The following MYOM2 variants were observed in gnomAD, a reference collection of about 807,000 sequenced individuals.
MYOM2 encodes the protein myomesin-2.
In MYOM2, 254 loss-of-function variants were observed where a neutral mutation model predicts 187.6. The observed-to-expected ratio is 1.35, with a 90% CI of 1.22 to 1.50. The LOEUF is 1.50. MYOM2 is among the 40% of genes most tolerant of loss of function. MYOM2 has a pLI of 0.00. For missense variants in MYOM2, 2,796 were observed against 1,924.0 expected (o/e 1.45, Z -8.48); for synonymous variants, 981 against 753.8 (o/e 1.30, Z -4.94).
At chr8:2,123,128 C>A in intron 28 of MYOM2, 124 bp from the exon 29 acceptor site, 1 of 574,424 alleles carries the variant, frequency 1.7e-6, no homozygotes, top group Non-Finnish European at 3.0e-6. Context: ...TCGTCTGAGA[C>A]TGTCTATAGT....
chr8:2,100,827 T>C, intron 19 of MYOM2, 49 bp from the exon 20 acceptor site: 1 of 1,600,968 alleles, frequency 6.2e-7, no homozygotes. Flanking sequence ...GCGGTGGGTG[T>C]GCTGGACTGG....
intron 3 of MYOM2, among the ~76,000 whole-genome samples, chr8:2,054,313 A>G (rs13261654): frequency 0.9 from 137,662 of 152,138 alleles, 62,541 homozygotes; most frequent in East Asian, 1. Context: ...TACGACCCCG[A>G]TGCTCTGAAG....
intron 28 of MYOM2, among the ~76,000 whole-genome samples, chr8:2,120,073 G>A (rs1356275256): frequency 6.6e-6 from 1 of 152,142 alleles, no homozygotes; most frequent in Non-Finnish European, 1.5e-5. Flanking sequence ...TATTAAGAAT[G>A]GAAATCATTG....
Position 2,081,584 on chromosome 8 carries a change from T to C in MYOM2, c.1516+1971T>C, listed in dbSNP as rs528138586. On this transcript the variant is annotated intron_variant, in intron 13 of 36. Coordinates refer to ENST00000262113, the MANE Select transcript of MYOM2 (RefSeq NM_003970.4). Reference sequence around the variant, plus strand: ...CGGTGAGAAGGTGTAACTTGCTTTATAAATGTCACTTATCTGTGATGAAAT... The same window carrying C: ...CGGTGAGAAGGTGTAACTTGCTTTACAAATGTCACTTATCTGTGATGAAAT... 3.7e-4 allele frequency among the ~76,000 whole-genome samples: 57 copies of C among 152,346 alleles called. 1 individual carries two copies. The highest frequency in any genetic ancestry group is 1.3e-3 in the African/African-American group (54 of 41,578).
Position 2,078,830 on chromosome 8 carries a change from C to A in MYOM2, c.1359C>A (p.Tyr453Ter). 6.2e-7 allele frequency: 1 copy of A among 1,614,104 alleles called. No individual in the cohort carries two copies. The highest frequency in any genetic ancestry group is 1.7e-4 in the Middle Eastern group (1 of 6,060). The change falls in exon 12 of 37, where the codon TAC becomes TAA. Residue 453 changes from tyrosine (Y) to a stop codon, truncating the protein, a stop_gained. Transcript: ENST00000262113. LOFTEE classifies it high-confidence loss of function. ...PVTGLFEGRS[Y>*]IFRVRAVNSA... ...CAGGGCTTTTTGAAGGAAGGTCTTACATATTCCGAGTGAGGGCAGTGAACA... is the reference window on the plus strand; with the variant it reads ...CAGGGCTTTTTGAAGGAAGGTCTTAAATATTCCGAGTGAGGGCAGTGAACA...
Position 2,145,177 on chromosome 8 carries a change from A to C in MYOM2, c.*196A>C. ...CTAAGGGAGAAAGCTAATGTTTTCC[A>C]CAAGACTGAACAACGTGTATTTACA... On this transcript the variant is annotated 3_prime_UTR_variant, in exon 37 of 37. Coordinates refer to ENST00000262113, the MANE Select transcript of MYOM2 (RefSeq NM_003970.4). 1 of 630,308 alleles carries C rather than the reference A, an allele frequency of 1.6e-6. No individual in the cohort carries two copies. 39.0% of individuals were successfully genotyped at this position (630,308 alleles called of 1,614,324 possible). A position where few individuals can be genotyped will look rare whatever the true frequency, so the allele number is the denominator to read the frequency against.
intron 18 of MYOM2, chr8:2,098,094 C>G (rs550439639): frequency 6.6e-6 from 1 of 152,230 alleles, no homozygotes; most frequent in African/African-American, 2.4e-5. Context: ...TTTACTCGGT[C>G]CGAGATTCCT....
chr8:2,074,881 G>A lies in MYOM2; in HGVS notation c.1121-1260G>A, dbSNP rs189237733. ...GGCACAGCTGACCTACAAAGAAGGC[G>A]TCAGAGCGCTCCTGCGCCATGTAGC... On this transcript the variant is annotated intron_variant, in intron 10 of 36. Coordinates refer to ENST00000262113, the MANE Select transcript of MYOM2 (RefSeq NM_003970.4). 1.2e-3 allele frequency among the ~76,000 whole-genome samples: 177 copies of A among 152,336 alleles called. 2 individuals are homozygous for A. In the East Asian group the frequency reaches 0.024, roughly 21 times the overall value.
intron 13 of MYOM2, among the ~76,000 whole-genome samples, chr8:2,083,633 G>C (rs531882782): frequency 6.6e-6 from 1 of 152,046 alleles, no homozygotes; most frequent in Non-Finnish European, 1.5e-5. Context: ...GTTTTCCCTC[G>C]GCTCCCCTCT....
chr8:2,111,938 C>T (rs1447753551), intron 25 of MYOM2, among the ~76,000 whole-genome samples: 7 of 152,256 alleles, frequency 4.6e-5, no homozygotes, highest in Admixed American at 4.6e-4. Flanking sequence ...TTTCTAATTG[C>T]GAAGGTGATT....
At chr8:2,086,342 T>TGTGATCTTTGCGTGGCCCCCCACAGTC (rs1796048841) in intron 14 of MYOM2, among the ~76,000 whole-genome samples, 1 of 8,226 alleles carries the variant, frequency 1.2e-4, no homozygotes, top group Non-Finnish European at 2.8e-4. Context: ...CCCCCACTGT[T>TGTGATCTTTGCGTGGCCCCCCACAGTC]GTGATCTCTG....
chr8:2,078,961 T>C (rs1478511952), intron 12 of MYOM2, 28 bp downstream of exon 12: 1 of 1,605,996 alleles, frequency 6.2e-7, no homozygotes, highest in Non-Finnish European at 8.5e-7. Flanking sequence ...AAGTATCCAC[T>C]GTGCCCAGGA....
chr8:2,077,485 T>C lies in MYOM2; in HGVS notation c.1262+1203T>C, dbSNP rs182890858. The stretch of plus-strand genomic sequence containing the variant: ...GTTTGTTTGTTTATGCTGATTAAAT[T>C]CTCTTTTCTCTTCCAACAAAACTAC... On this transcript the variant is annotated intron_variant, in intron 11 of 36. Coordinates refer to ENST00000262113, the MANE Select transcript of MYOM2 (RefSeq NM_003970.4). 2.0e-3 allele frequency among the ~76,000 whole-genome samples: 302 copies of C among 152,276 alleles called. 1 individual carries two copies. The highest frequency in any genetic ancestry group is 7.1e-3 in the African/African-American group (294 of 41,542).
chr8:2,105,549 G>C (rs1007652047), intron 21 of MYOM2, among the ~76,000 whole-genome samples: 2 of 152,312 alleles, frequency 1.3e-5, no homozygotes, highest in Non-Finnish European at 2.9e-5. Flanking sequence ...TGGCTGCTGG[G>C]CTTCCCCTGA....
At chr8:2,089,873 T>C in intron 14 of MYOM2, 135 bp from the exon 15 acceptor site, 2 of 656,470 alleles carry the variant, frequency 3.0e-6, no homozygotes, top group Non-Finnish European at 4.9e-6. Context: ...TGCATGACCA[T>C]CCTTTGTGTG....
At chr8:2,101,151 G>C in intron 20 of MYOM2, 97 bp downstream of exon 20, 2 of 1,274,342 alleles carry the variant, frequency 1.6e-6, no homozygotes, top group Non-Finnish European at 1.1e-6. Context: ...TTCGAAACCA[G>C]CCTGGCCAAC....
At chr8:2,060,209 G>A (rs1055677505) in intron 6 of MYOM2, among the ~76,000 whole-genome samples, 4 of 152,082 alleles carry the variant, frequency 2.6e-5, no homozygotes, top group African/African-American at 9.7e-5. Flanking sequence ...AATTTTTCCA[G>A]TGAACCTGAC....
chr8:2,144,648 C>T lies in MYOM2; in HGVS notation c.4081-16C>T. On this transcript the variant is annotated splice_polypyrimidine_tract_variant and intron_variant, in intron 36 of 36. Coordinates refer to ENST00000262113, the MANE Select transcript of MYOM2 (RefSeq NM_003970.4). ...TTTCTAACTCTTCCTTCTCCACCAA[C>T]CTCTTCCGTCCAAAGACCTTGAATC... 6.2e-7 allele frequency: 1 copy of T among 1,611,478 alleles called. No individual in the cohort carries two copies. The highest frequency in any genetic ancestry group is 8.5e-7 in the Non-Finnish European group (1 of 1,179,412).
chr8:2,065,711 A>T (rs1818997217), intron 6 of MYOM2, among the ~76,000 whole-genome samples: 1 of 152,220 alleles, frequency 6.6e-6, no homozygotes, highest in Admixed American at 6.5e-5. Context: ...GTAGTTTCAA[A>T]TGAAAACATT....
Sources: allele counts gnomAD v4.1 joint callset (sites outside exome capture counted in the v4.1 genomes callset), GRCh38; gene constraint gnomAD v4.1.1; transcripts MANE v1.5; gene names NCBI Gene and HGNC (gene_info 2026-07-23, HGNC 2026-07-21).